WFDC3: variants seen among roughly 807,000 people sequenced by gnomAD.
The protein encoded by WFDC3 is WAP four-disulfide core domain protein 3.
WFDC3 carries 15 observed loss-of-function variants against 25.8 expected under a neutral mutation model. The observed-to-expected ratio is 0.58, with a 90% CI of 0.39 to 0.89. The LOEUF (loss-of-function observed/expected upper bound fraction) is 0.89, where lower values mean the gene tolerates loss of function less well. Among genes scored for constraint, WFDC3 ranks in the 40% least tolerant of loss-of-function variants. The probability of loss-of-function intolerance (pLI) is 0.00; values close to 1 mark genes in which losing one functional copy is unlikely to be tolerated. For missense variants in WFDC3, 264 were observed against 289.8 expected, an observed-to-expected ratio of 0.91 and a Z score of 0.65; for synonymous variants, 103 against 107.1, an observed-to-expected ratio of 0.96 and a Z score of 0.24.
intron 4 of WFDC3, among the ~76,000 whole-genome samples, chr20:45,787,282 CTTTTTTTTT>C (rs1158318114): frequency 2.7e-5 from 2 of 73,686 alleles, no homozygotes; most frequent in Non-Finnish European, 5.3e-5. Flanking sequence ...TTTCTTTTTT[CTTTTTTTTT>C]TTTTTTTTTT....
intron 1 of WFDC3, 48 bp from the exon 2 acceptor site, chr20:45,790,030 GC>G: frequency 1.3e-6 from 2 of 1,499,180 alleles, no homozygotes; most frequent in South Asian, 1.1e-5. Context: ...TGTACACCTT[GC>G]CCAGAGTATC....
intron 4 of WFDC3, 148 bp from the exon 5 acceptor site, chr20:45,777,357 C>G: frequency 1.0e-6 from 1 of 977,802 alleles, no homozygotes; most frequent in Non-Finnish European, 1.3e-6. Flanking sequence ...TGCAATACAT[C>G]TGATTTTTTT....
chr20:45,784,307 G>A (rs985316620), intron 4 of WFDC3, among the ~76,000 whole-genome samples: 3 of 152,210 alleles, frequency 2.0e-5, no homozygotes, highest in African/African-American at 7.2e-5. Flanking sequence ...AGACCCAATG[G>A]GTACCAGCAA....
rs1723722128 is a variant in WFDC3 at position 45,788,195 on chromosome 20, T to C, written c.212-213A>G. 8.3e-6 allele frequency: 3 copies of C among 362,516 alleles called. No homozygotes were observed. The East Asian group carries it at 1.9e-4, about 23-fold the overall frequency. The allele number at this position is 362,516 out of a possible 1,614,324, so 22.5% of individuals were successfully genotyped here. A position where few individuals can be genotyped will look rare whatever the true frequency, so the allele number is the denominator to read the frequency against. ...GCACATGCCTGTAAATCCCAGCTACTTGGGAGGCTGAGGCAGGAGAATCAC... is the reference window on the plus strand; with the variant it reads ...GCACATGCCTGTAAATCCCAGCTACCTGGGAGGCTGAGGCAGGAGAATCAC... On this transcript the variant is annotated intron_variant, in intron 3 of 6. Transcript: ENST00000243938.
Position 45,777,176 on chromosome 20 carries a change from A to T in WFDC3, c.392T>A (p.Leu131His). Reference protein sequence around the residue: ...EFGGECPADPLPCEELCDGDA... With the variant: ...EFGGECPADPHPCEELCDGDA... Reference sequence around the variant, plus strand: ...CCCATCACACAGCTCCTCACACGGAAGGGGGTCAGCGGGACATTCACCACC... The same window carrying T: ...CCCATCACACAGCTCCTCACACGGATGGGGGTCAGCGGGACATTCACCACC... Residue 131 changes from leucine (L) to histidine (H), a missense_variant, in exon 5 of 7, where the codon CTT becomes CAT. Physicochemically the swap from Leu to His is moderately conservative, Grantham distance 99 (BLOSUM62 -3). Transcript: ENST00000243938. 6.3e-7 allele frequency: 1 copy of T among 1,595,058 alleles called. No homozygotes were observed. Among genetic ancestry groups the T allele is most frequent in the Non-Finnish European group, 8.5e-7 (1 of 1,170,448 alleles).
intron 4 of WFDC3, among the ~76,000 whole-genome samples, chr20:45,782,929 G>A (rs1390498918): frequency 2.0e-5 from 3 of 152,144 alleles, no homozygotes; most frequent in Non-Finnish European, 4.4e-5. Context: ...ACCCCCGAAA[G>A]TCTGGGCCCT....
intron 1 of WFDC3, among the ~76,000 whole-genome samples, chr20:45,791,297 CTTTTT>C (rs74176818): frequency 3.8e-5 from 3 of 79,166 alleles, no homozygotes; most frequent in African/African-American, 5.0e-5. Context: ...GCCTAATGTG[CTTTTT>C]TTTTTTTTTT....
chr20:45,784,689 C>T (rs767634275), intron 4 of WFDC3, among the ~76,000 whole-genome samples: 2 of 152,040 alleles, frequency 1.3e-5, no homozygotes, highest in Admixed American at 6.6e-5. Flanking sequence ...TGCAGTGAGC[C>T]GAGACTGCAC....
At chr20:45,788,020 T>C (rs1335378059) in intron 3 of WFDC3, 38 bp from the exon 4 acceptor site, 8 of 1,597,828 alleles carry the variant, frequency 5.0e-6, no homozygotes, top group Middle Eastern at 1.7e-4. Flanking sequence ...AAAGAGAAAA[T>C]AGGCCGAGCG....
chr20:45,778,640 G>A (rs1980300062), intron 4 of WFDC3: 2 of 152,096 alleles, frequency 1.3e-5, no homozygotes, highest in Non-Finnish European at 2.9e-5. Context: ...AGGCAGAGTA[G>A]CCTTCTTTCA....
Position 45,789,934 on chromosome 20 carries a change from A to G in WFDC3, c.42T>C (p.Ala14=). 1 of 1,614,154 alleles carries G rather than the reference A, an allele frequency of 6.2e-7. No homozygotes were observed. Among genetic ancestry groups the G allele is most frequent in the Non-Finnish European group, 8.5e-7 (1 of 1,180,016 alleles). ...TTATCCAGGATTCCAGAGACCCAAG[A>G]GCAAGAAGTGCCTTCAGAAGAAAGA... ...SCLFLLKALL[A]LGSLESWITA... The change falls in exon 2 of 7, where the codon GCT becomes GCC. Residue 14 remains alanine, a synonymous_variant. Transcript: ENST00000243938.
chr20:45,786,941 A>G (rs2145689076), intron 4 of WFDC3, among the ~76,000 whole-genome samples: 1 of 151,796 alleles, frequency 6.6e-6, no homozygotes, highest in African/African-American at 2.4e-5. Context: ...AAAAATACAA[A>G]AAATTAGCCG....
intron 4 of WFDC3, among the ~76,000 whole-genome samples, chr20:45,777,632 C>T (rs1383969559): frequency 1.3e-5 from 2 of 152,204 alleles, no homozygotes; most frequent in Admixed American, 6.5e-5. Flanking sequence ...GATCCTCCCA[C>T]CACAGCCTCC....
chr20:45,791,759 C>G (rs1568703179), intron 1 of WFDC3, 73 bp downstream of exon 1: 2 of 367,118 alleles, frequency 5.4e-6, no homozygotes, highest in Non-Finnish European at 9.7e-6. Flanking sequence ...TTGACTGAAC[C>G]GCCACTGAAC....
At position 45,790,199 on chromosome 20, in the gene WFDC3, T is replaced by C. The variant is rs73122760; in HGVS notation, c.-7-217A>G. The C allele has an allele frequency of 2.9e-3, 1,376 of 477,806 alleles. 2 individuals carry two copies. Among genetic ancestry groups the C allele is most frequent in the Non-Finnish European group, 4.1e-3 (1,086 of 265,778 alleles). The allele number at this position is 477,806 out of a possible 1,614,324, so 29.6% of individuals were successfully genotyped here. A position where few individuals can be genotyped will look rare whatever the true frequency, so the allele number is the denominator to read the frequency against. On this transcript the variant is annotated intron_variant, in intron 1 of 6. Transcript: ENST00000243938. Reference sequence around the variant, plus strand: ...TGGCACTACCAAAGGGGACCTGTGATGGGAGGATCAAATTCTGTAAGCAAT... The same window carrying C: ...TGGCACTACCAAAGGGGACCTGTGACGGGAGGATCAAATTCTGTAAGCAAT...
At chr20:45,776,318 G>GTGTGTGTGTGTGTGTGTA (rs58644271) in intron 5 of WFDC3, among the ~76,000 whole-genome samples, 2,647 of 139,776 alleles carry the variant, frequency 0.019, 66 homozygotes, top group Non-Finnish European at 0.029. Flanking sequence ...GTGTGTGTGT[G>GTGTGTGTGTGTGTGTGTA]TGTTTCCAGC....
chr20:45,784,858 G>A (rs1980600378), intron 4 of WFDC3, among the ~76,000 whole-genome samples: 1 of 152,176 alleles, frequency 6.6e-6, no homozygotes, highest in Non-Finnish European at 1.5e-5. Flanking sequence ...AAGCCTTCGA[G>A]GTTTATTCTT....
At chr20:45,781,115 G>A (rs1214843376) in intron 4 of WFDC3, among the ~76,000 whole-genome samples, 3 of 151,466 alleles carry the variant, frequency 2.0e-5, no homozygotes, top group Non-Finnish European at 4.4e-5. Context: ...CGGGTGTGGT[G>A]ATGGGTGCCT....
At chr20:45,779,520 T>C (rs1372249008) in intron 4 of WFDC3, among the ~76,000 whole-genome samples, 30 of 152,148 alleles carry the variant, frequency 2.0e-4, no homozygotes, top group Admixed American at 1.9e-3. Context: ...TGTGTCCTGA[T>C]TTTTGACTCA....
Sources: allele counts gnomAD v4.1 joint callset (sites outside exome capture counted in the v4.1 genomes callset), GRCh38; gene constraint gnomAD v4.1.1; transcripts MANE v1.5; gene names NCBI Gene and HGNC (gene_info 2026-07-23, HGNC 2026-07-21).